The following ZBTB18 variants were observed in gnomAD, a reference collection of about 807,000 sequenced individuals.
ZBTB18 encodes zinc finger and BTB domain containing 18.
ZBTB18 carries 2 observed loss-of-function variants against 37.7 expected under a neutral mutation model. That is an observed-to-expected ratio of 0.05 (90% confidence interval 0.02 to 0.17). ZBTB18 has a LOEUF of 0.17. Among genes scored for constraint, ZBTB18 ranks in the 10% least tolerant of loss-of-function variants. The pLI is 1.00. For synonymous variants in ZBTB18, 304 were observed against 276.5 expected, an observed-to-expected ratio of 1.10 and a Z score of -0.99; for missense variants, 408 against 686.3, an observed-to-expected ratio of 0.59 and a Z score of 4.53.
Position 244,056,126 on chromosome 1 carries a change from T to C in ZBTB18, c.*756T>C, listed in dbSNP as rs1237467235. The C allele has an allele frequency of 1.2e-5, 2 of 167,154 alleles. No homozygotes were observed. Among genetic ancestry groups the C allele is most frequent in the Non-Finnish European group, 2.9e-5 (2 of 68,130 alleles). The allele number at this position is 167,154 out of a possible 1,614,324, so 10.4% of individuals were successfully genotyped here. A position where few individuals can be genotyped will look rare whatever the true frequency, so the allele number is the denominator to read the frequency against. ...CAAAGAACTTGACAGGTTGTGTTGA[T>C]GCTCTTAGTTGAGTCTTGAAAAGTA... On this transcript the variant is annotated 3_prime_UTR_variant, in exon 2 of 2. Transcript: ENST00000358704.
chr1:244,056,071 T>C lies in ZBTB18; in HGVS notation c.*701T>C, dbSNP rs1698462358. On this transcript the variant is annotated 3_prime_UTR_variant, in exon 2 of 2. Transcript: ENST00000358704. ...AATGTGAATTACTGTTATTGTATACTGTAATTGATTACATGGGCTGGGGGG... is the reference window on the plus strand; with the variant it reads ...AATGTGAATTACTGTTATTGTATACCGTAATTGATTACATGGGCTGGGGGG... The C allele has an allele frequency of 6.0e-6, 1 of 167,142 alleles. No individual in the cohort carries two copies. The highest frequency in any genetic ancestry group is 1.9e-4 in the East Asian group (1 of 5,206). 10.4% of individuals were successfully genotyped at this position (167,142 alleles called of 1,614,324 possible).
rs1031983583 is a variant in ZBTB18, at chr1:244,056,699, T to A, written c.*1329T>A. On this transcript the variant is annotated 3_prime_UTR_variant, in exon 2 of 2. Transcript: ENST00000358704. ...CCTCCACCCCCAACTCATGAAAAGA[T>A]TCTATGGACTGAAAAAGCCCCAGGC... 1 of 125,784 alleles carries A rather than the reference T, an allele frequency of 8.0e-6. No individual in the cohort carries two copies. The highest frequency in any genetic ancestry group is 1.4e-4 in the Admixed American group (1 of 7,240). The allele number at this position is 125,784 out of a possible 1,614,324, so 7.8% of individuals were successfully genotyped here.
upstream of ZBTB18, among the ~76,000 whole-genome samples, chr1:244,049,620 C>A (rs1698309199): frequency 6.6e-6 from 1 of 152,182 alleles, no homozygotes; most frequent in Non-Finnish European, 1.5e-5. Flanking sequence ...TCTGTTTTCT[C>A]CTCTGTTGTT....
chr1:244,050,798 A>G (rs1698332369), upstream of ZBTB18, among the ~76,000 whole-genome samples: 1 of 152,240 alleles, frequency 6.6e-6, no homozygotes, highest in Non-Finnish European at 1.5e-5. Context: ...GTATACCATT[A>G]TCTCAGCAGA....
chr1:244,051,378 G>T lies in ZBTB18; in HGVS notation c.-54G>T, dbSNP rs1698345715. 1.9e-6 allele frequency: 3 copies of T among 1,606,064 alleles called. No individual in the cohort carries two copies. ...TCTCTTAGTCTGCTTTTTTTCCACC[G>T]ATGTAACAGACCTGGAGCCAGCAGG... On this transcript the variant is annotated 5_prime_UTR_variant, in exon 1 of 2. Transcript: ENST00000358704.
At chr1:244,049,048 G>T (rs1698294756), upstream of ZBTB18, 1 of 146,496 alleles carries the variant, frequency 6.8e-6, no homozygotes, top group South Asian at 1.8e-4. Flanking sequence ...CCGCGCCCCG[G>T]CACCCCGGCG....
At position 244,053,311 on chromosome 1, in the gene ZBTB18, A is replaced by T. The variant is rs190924883; in HGVS notation, c.14-477A>T. Among the ~76,000 whole-genome samples the T allele has an allele frequency of 6.6e-6, 1 of 152,178 alleles. No homozygotes were observed. Among genetic ancestry groups the T allele is most frequent in the Non-Finnish European group, 1.5e-5 (1 of 68,028 alleles). On this transcript the variant is annotated intron_variant, in intron 1 of 1. Transcript: ENST00000358704. The surrounding 1 kb of genome is among the most constrained non-coding windows in gnomAD (Gnocchi z 5.2). ...CTGTGCTTTCTAAGCACAGTCAGGT[A>T]GCAAAAGTAATAAAAAGGATGGTTG... is the stretch of plus-strand genomic sequence containing the variant.
chr1:244,050,898 A>T (rs1698336086), upstream of ZBTB18, among the ~76,000 whole-genome samples: 1 of 152,334 alleles, frequency 6.6e-6, no homozygotes, highest in South Asian at 2.1e-4. Flanking sequence ...TGCTTTAGAA[A>T]CTAAACGTTG....
At chr1:244,049,812 A>G (rs1404365915), upstream of ZBTB18, among the ~76,000 whole-genome samples, 2 of 151,196 alleles carry the variant, frequency 1.3e-5, no homozygotes, top group Non-Finnish European at 2.9e-5. Flanking sequence ...CAAAACCTCT[A>G]TGGATCCGCG....
Position 244,055,034 on chromosome 1 carries a change from G to C in ZBTB18, c.1260G>C (p.Thr420=), listed in dbSNP as rs373253112. 1.2e-6 allele frequency: 2 copies of C among 1,614,186 alleles called. No homozygotes were observed. The highest frequency in any genetic ancestry group is 1.7e-6 in the Non-Finnish European group (2 of 1,180,046). The change falls in exon 2 of 2, where the codon ACG becomes ACC. Residue 420 remains threonine (T), a synonymous_variant. Transcript: ENST00000358704. The surrounding 1 kb of genome is among the most constrained non-coding windows in gnomAD (Gnocchi z 7.0). ...SKPAADVNVP[T]CSLCGKTFSC... ...CCGCCGCCGATGTCAACGTGCCCAC[G>C]TGCTCGCTGTGTGGGAAGACTTTCT... is the stretch of plus-strand genomic sequence containing the variant.
chr1:244,048,626 CCG>C (rs1291627050), upstream of ZBTB18, among the ~76,000 whole-genome samples: 2 of 99,556 alleles, frequency 2.0e-5, no homozygotes, highest in Non-Finnish European at 4.6e-5. Flanking sequence ...TCCCCCGCGC[CCG>C]CCCCCCCCCC....
rs941136678 is a variant in ZBTB18 at position 244,054,732 on chromosome 1, C to T, written c.958C>T (p.Pro320Ser). The T allele has an allele frequency of 6.2e-7, 1 of 1,614,128 alleles. No homozygotes were observed. The highest frequency in any genetic ancestry group is 8.5e-7 in the Non-Finnish European group (1 of 1,180,018). Residue 320 changes from proline (P) to serine (S), a missense_variant, in exon 2 of 2, where the codon CCG (proline) becomes TCG (serine). Pro to Ser is a moderately conservative substitution (Grantham distance 74). Coordinates refer to ENST00000358704, the MANE Select transcript of ZBTB18 (RefSeq NM_205768.3). The surrounding 1 kb of genome is among the most constrained non-coding windows in gnomAD (Gnocchi z 9.0). The stretch of plus-strand genomic sequence containing the variant: ...CACTAATAACAGGGTACAGTATGAG[C>T]CGGCCCATCTGGCTCCCCTGAGGGA... Reference protein sequence around the residue: ...VSTNNRVQYEPAHLAPLREDS... With the variant: ...VSTNNRVQYESAHLAPLREDS...
At chr1:244,048,517 G>A (rs1398759821), upstream of ZBTB18, among the ~76,000 whole-genome samples, 2 of 151,054 alleles carry the variant, frequency 1.3e-5, no homozygotes, top group Non-Finnish European at 2.9e-5. Context: ...GAGGGAGGGA[G>A]GCAGGGGAAG....
chr1:244,052,288 C>G (rs534957731), intron 1 of ZBTB18, among the ~76,000 whole-genome samples: 1 of 152,306 alleles, frequency 6.6e-6, no homozygotes, highest in South Asian at 2.1e-4. Context: ...GTGAGCTGCC[C>G]TCCAATCTTT....
At position 244,057,053 on chromosome 1, in the gene ZBTB18, T is replaced by A. The variant is rs891785157; in HGVS notation, c.*1683T>A. On this transcript the variant is annotated 3_prime_UTR_variant, in exon 2 of 2. Coordinates refer to ENST00000358704, the MANE Select transcript of ZBTB18 (RefSeq NM_205768.3). ...TGTTGCTGGACTGTTTTGGAAATAT[T>A]TGGTTAAATGTGTGTTAATTTGGCT... The A allele has an allele frequency of 1.2e-5, 2 of 167,068 alleles. No homozygotes were observed. The highest frequency in any genetic ancestry group is 2.4e-5 in the African/African-American group (1 of 41,434). 10.3% of individuals were successfully genotyped at this position (167,068 alleles called of 1,614,324 possible). A position where few individuals can be genotyped will look rare whatever the true frequency, so the allele number is the denominator to read the frequency against.
Position 244,055,451 on chromosome 1 carries a change from C to A in ZBTB18, c.*81C>A. On this transcript the variant is annotated 3_prime_UTR_variant, in exon 2 of 2. Coordinates refer to ENST00000358704, the MANE Select transcript of ZBTB18 (RefSeq NM_205768.3). The surrounding 1 kb of genome is among the most constrained non-coding windows in gnomAD (Gnocchi z 7.0). ...ATATAGTTGTGGTACGGTCTAAAAG[C>A]AGTCTTGTTTCCTGGAAATAAAAAG... The A allele has an allele frequency of 2.0e-6, 1 of 496,330 alleles. No homozygotes were observed. The highest frequency in any genetic ancestry group is 2.9e-6 in the Non-Finnish European group (1 of 345,508). 30.7% of individuals were successfully genotyped at this position (496,330 alleles called of 1,614,324 possible).
Position 244,053,936 on chromosome 1 carries a change from C to T in ZBTB18, c.162C>T (p.Cys54=), listed in dbSNP as rs1192598567. The part of the protein sequence containing the change: ...FRAHRAVLAS[C]SMYFHLFYKD... ...CGCACCGAGCTGTACTGGCTTCATG[C>T]AGCATGTATTTCCACCTCTTTTACA... Residue 54 remains cysteine, a synonymous_variant, in exon 2 of 2, where the codon TGC becomes TGT. Coordinates refer to ENST00000358704, the MANE Select transcript of ZBTB18 (RefSeq NM_205768.3). The surrounding 1 kb of genome is among the most constrained non-coding windows in gnomAD (Gnocchi z 5.2). 6.2e-7 allele frequency: 1 copy of T among 1,614,024 alleles called. No homozygotes were observed. The highest frequency in any genetic ancestry group is 2.2e-5 in the East Asian group (1 of 44,886).
chr1:244,053,796 G>A lies in ZBTB18; in HGVS notation c.22G>A (p.Asp8Asn). The stretch of plus-strand genomic sequence containing the variant: ...AATTCCTCTCTCCCCAGGTTATGAA[G>A]ACAGTATGGAGTTTCCAGACCATAG... Reference protein sequence around the residue: MCPKGYEDSMEFPDHSRH... With the variant: MCPKGYENSMEFPDHSRH... The change falls in exon 2 of 2, where the codon GAC becomes AAC. Residue 8 changes from aspartate to asparagine, a missense_variant. By Grantham distance (23) the Asp-to-Asn change is conservative (BLOSUM62 1). Around this residue, in one of 4 missense-constraint regions of ZBTB18, gnomAD observed 95 missense variants for 218.7 expected, o/e 0.43. Coordinates refer to ENST00000358704, the MANE Select transcript of ZBTB18 (RefSeq NM_205768.3). This position sits in a 1 kb window ranked among gnomAD's most constrained non-coding sequence, Gnocchi z 5.2. The A allele has an allele frequency of 6.2e-7, 1 of 1,610,296 alleles. No individual in the cohort carries two copies.
At chr1:244,050,434 A>C (rs375336786), upstream of ZBTB18, among the ~76,000 whole-genome samples, 99 of 133,682 alleles carry the variant, frequency 7.4e-4, no homozygotes, top group South Asian at 1.0e-3. Context: ...CATTAGAGTG[A>C]CCCCCCCCCA....
Sources: allele counts gnomAD v4.1 joint callset (sites outside exome capture counted in the v4.1 genomes callset), GRCh38; gene constraint gnomAD v4.1.1; regional missense constraint gnomAD v4.1.1; non-coding constraint Gnocchi (gnomAD v3.1); transcripts MANE v1.5; gene names NCBI Gene and HGNC (gene_info 2026-07-23, HGNC 2026-07-21).